ITGB6: variants seen among roughly 807,000 people sequenced by gnomAD.
ITGB6 encodes the protein integrin beta-6.
In ITGB6, 80 loss-of-function variants were observed where a neutral mutation model predicts 84.5. The ratio of observed to expected loss-of-function variants is 0.95; its 90% CI spans 0.79 to 1.14. The LOEUF is 1.14. Among genes scored for constraint, ITGB6 ranks in the 50% most tolerant of loss-of-function variants. The pLI, the probability that ITGB6 is intolerant of heterozygous loss-of-function variation, is 0.00. For synonymous variants in ITGB6, 383 were observed against 354.9 expected (o/e 1.08, Z -0.89); for missense variants, 1,006 against 968.0 (o/e 1.04, Z -0.52).
At chr2:160,180,145 C>T (rs1428629714) in intron 4 of ITGB6, among the ~76,000 whole-genome samples, 1 of 149,928 alleles carries the variant, frequency 6.7e-6, no homozygotes, top group Admixed American at 6.6e-5. Context: ...AAAAAAACAA[C>T]CTTCAGAATG....
chr2:160,111,112 C>T (rs1458353095), intron 13 of ITGB6, among the ~76,000 whole-genome samples: 1 of 102,964 alleles, frequency 9.7e-6, no homozygotes, highest in Admixed American at 8.4e-5. Flanking sequence ...AATGAGGAGG[C>T]ATTTAGCCAA....
chr2:160,192,493 T>C (rs972860177), intron 4 of ITGB6, among the ~76,000 whole-genome samples: 3 of 152,120 alleles, frequency 2.0e-5, no homozygotes, highest in Admixed American at 1.3e-4. Flanking sequence ...GAAGCCTAAA[T>C]GTAAGCATGT....
intron 10 of ITGB6, among the ~76,000 whole-genome samples, chr2:160,133,411 A>G (rs551565805): frequency 3.9e-5 from 6 of 152,342 alleles, no homozygotes; most frequent in African/African-American, 1.2e-4. Flanking sequence ...TCATAAAGAA[A>G]GTCCTTAGAG....
intron 4 of ITGB6, among the ~76,000 whole-genome samples, chr2:160,183,029 T>G (rs574176500): frequency 6.6e-6 from 1 of 152,198 alleles, no homozygotes; most frequent in South Asian, 2.1e-4. Context: ...TACCAGCCAC[T>G]GCAAAAACAT....
intron 10 of ITGB6, among the ~76,000 whole-genome samples, chr2:160,133,674 A>C (rs1476538790): frequency 2.0e-5 from 3 of 152,198 alleles, no homozygotes; most frequent in Non-Finnish European, 4.4e-5. Context: ...TCCTCAGCAA[A>C]TGTAAAAGAA....
intron 7 of ITGB6, among the ~76,000 whole-genome samples, chr2:160,161,583 G>A (rs1684817396): frequency 2.0e-5 from 3 of 152,128 alleles, no homozygotes; most frequent in Non-Finnish European, 4.4e-5. Flanking sequence ...GAACCACCAT[G>A]CCCGGCCAGA....
intron 4 of ITGB6, among the ~76,000 whole-genome samples, chr2:160,184,109 G>A (rs1406413635): frequency 6.6e-6 from 1 of 151,796 alleles, no homozygotes; most frequent in Non-Finnish European, 1.5e-5. Context: ...AGCTAGCAGG[G>A]GACAAGAAAT....
rs764751218 is a variant in ITGB6 at position 160,138,127 on chromosome 2, A to G, written c.1180T>C (p.Cys394Arg). The change falls in exon 9 of 15, where the codon TGT becomes CGT. Residue 394 changes from cysteine (C) to arginine (R), a missense_variant. Cys to Arg is a radical substitution (Grantham distance 180). Coordinates refer to ENST00000283249, the MANE Select transcript of ITGB6 (RefSeq NM_000888.5). ...TGTTGGAAGAGGGTACCGTTGTTAC[A>G]GATGGCTGTAAATGACAAGTTGAGT... ...EGLNLSFTAI[C>R]NNGTLFQHQK... The G allele has an allele frequency of 7.4e-6, 12 of 1,614,012 alleles. No individual in the cohort carries two copies. The highest frequency in any genetic ancestry group is 1.0e-5 in the Non-Finnish European group (12 of 1,179,940).
At chr2:160,159,695 G>T (rs76311374) in intron 7 of ITGB6, among the ~76,000 whole-genome samples, 2 of 151,890 alleles carry the variant, frequency 1.3e-5, no homozygotes, top group Non-Finnish European at 2.9e-5. Context: ...CTTTGCACAC[G>T]CCTTTGCCTC....
At position 160,200,158 on chromosome 2, in the gene ITGB6, G is replaced by C. The variant is rs951332544; in HGVS notation, c.-95C>G. The C allele has an allele frequency of 1.0e-6, 1 of 966,382 alleles. No individual in the cohort carries two copies. The highest frequency in any genetic ancestry group is 1.7e-5 in the African/African-American group (1 of 60,554). The allele number at this position is 966,382 out of a possible 1,614,324, so 59.9% of individuals were successfully genotyped here. A position where few individuals can be genotyped will look rare whatever the true frequency, so the allele number is the denominator to read the frequency against. ...AATATCGTTAAAGTCTTTCTTTCTT[G>C]AAGTATAACATTTTAAATACTACTT... On this transcript the variant is annotated 5_prime_UTR_variant, in exon 1 of 15. Transcript: ENST00000283249.
At chr2:160,125,529 A>G (rs149281763) in intron 11 of ITGB6, among the ~76,000 whole-genome samples, 3 of 152,338 alleles carry the variant, frequency 2.0e-5, no homozygotes, top group African/African-American at 7.2e-5. Flanking sequence ...TTAGTTTGCC[A>G]GTGACAGTGG....
intron 4 of ITGB6, among the ~76,000 whole-genome samples, chr2:160,181,654 C>T (rs1220776720): frequency 6.6e-6 from 1 of 152,238 alleles, no homozygotes; most frequent in Non-Finnish European, 1.5e-5. Flanking sequence ...GACAGACTGC[C>T]TCCTCAAGTG....
At chr2:160,107,606 A>G (rs1696958513) in intron 14 of ITGB6, 73 bp downstream of exon 14, 3 of 1,376,744 alleles carry the variant, frequency 2.2e-6, no homozygotes, top group Middle Eastern at 3.7e-4. Flanking sequence ...AGCAGAAGAA[A>G]GCTGAGCCCC....
intron 4 of ITGB6, among the ~76,000 whole-genome samples, chr2:160,181,356 TA>T (rs1411242336): frequency 6.6e-6 from 1 of 152,164 alleles, no homozygotes; most frequent in African/African-American, 2.4e-5. Flanking sequence ...CCTCACAGTG[TA>T]AACAAAGCCA....
chr2:160,172,395 C>A (rs1248478155), intron 6 of ITGB6, among the ~76,000 whole-genome samples, 174 bp downstream of exon 6: 1 of 152,228 alleles, frequency 6.6e-6, no homozygotes, highest in Non-Finnish European at 1.5e-5. Flanking sequence ...CACCTATGCT[C>A]TGGTGGGAAC....
chr2:160,110,857 A>C (rs1477313871), intron 13 of ITGB6, among the ~76,000 whole-genome samples: 1 of 152,182 alleles, frequency 6.6e-6, no homozygotes, highest in African/African-American at 2.4e-5. Context: ...GGCCCCTGGA[A>C]GTGCCAGGCC....
At chr2:160,127,137 T>C (rs948077814) in intron 10 of ITGB6, among the ~76,000 whole-genome samples, 3 of 152,194 alleles carry the variant, frequency 2.0e-5, no homozygotes, top group African/African-American at 7.2e-5. Flanking sequence ...AAAATATATT[T>C]CTTTGATATA....
Position 160,172,574 on chromosome 2 carries a change from C to T in ITGB6, c.916G>A (p.Val306Ile). Residue 306 changes from valine (V) to isoleucine (I), a missense_variant, in exon 6 of 15, where the codon GTC (valine) becomes ATC (isoleucine). Transcript: ENST00000283249. ...DSKNEYSMST[V>I]LEYPTIGQLI... ...ACAGAGTGCAGGTTACACACCAAGACAGTTGACATGGAGTATTCATTCTTG... is the reference window on the plus strand; with the variant it reads ...ACAGAGTGCAGGTTACACACCAAGATAGTTGACATGGAGTATTCATTCTTG... 3 of 1,598,000 alleles carry T rather than the reference C, an allele frequency of 1.9e-6. No individual in the cohort carries two copies. Among genetic ancestry groups the T allele is most frequent in the Non-Finnish European group, 2.6e-6 (3 of 1,166,568 alleles).
chr2:160,142,424 C>A (rs1684033296), intron 7 of ITGB6, among the ~76,000 whole-genome samples: 1 of 152,226 alleles, frequency 6.6e-6, no homozygotes, highest in African/African-American at 2.4e-5. Context: ...TCTCAGCACA[C>A]ACCCAGGAAC....
Sources: gnomAD v4.1 joint callset for allele counts (sites outside exome capture counted in the v4.1 genomes callset) on GRCh38, gnomAD v4.1.1 for gene constraint, MANE v1.5 for transcripts, NCBI Gene and HGNC (gene_info 2026-07-23, HGNC 2026-07-21) for gene names.